The following NDUFAF7 variants were observed in gnomAD, a reference collection of about 807,000 sequenced individuals.
NDUFAF7 encodes NADH:ubiquinone oxidoreductase complex assembly factor 7.
In NDUFAF7, 48 loss-of-function variants were observed where a neutral mutation model predicts 47.2. The observed-to-expected ratio is 1.02, with a 90% CI of 0.81 to 1.29. The LOEUF is 1.29. Ranked by LOEUF, NDUFAF7 falls within the 50% of genes most tolerant of loss-of-function variation. The pLI is 0.00. For missense variants in NDUFAF7, 635 were observed against 537.6 expected (o/e 1.18, Z -1.79); for synonymous variants, 217 against 190.0 (o/e 1.14, Z -1.17).
chr2:37,268,171 T>C, the NDUFAF7 span: 2 of 366,462 alleles, frequency 5.5e-6, no homozygotes, highest in Non-Finnish European at 1.1e-5. Flanking sequence ...TCTTCAAATA[T>C]GTATCTGACT....
chr2:37,251,246 A>G (rs1280678581), downstream of NDUFAF7: 1 of 152,590 alleles, frequency 6.6e-6, no homozygotes, highest in African/African-American at 2.4e-5. Context: ...TGAAGCTTCT[A>G]TAGAAGGACA....
chr2:37,260,375 G>C, the NDUFAF7 span: 1 of 1,610,912 alleles, frequency 6.2e-7, no homozygotes. Flanking sequence ...ATCCCAGGAT[G>C]GTGCAAATTC....
chr2:37,249,472 G>A (rs1057060257), downstream of NDUFAF7, among the ~76,000 whole-genome samples: 11 of 151,940 alleles, frequency 7.2e-5, no homozygotes, highest in East Asian at 2.1e-3. Flanking sequence ...AGCTACTCAC[G>A]AGGCTGAGGT....
intron 1 of NDUFAF7, 42 bp downstream of exon 1, chr2:37,231,802 G>T (rs182312881): frequency 1.9e-6 from 3 of 1,612,856 alleles, no homozygotes; most frequent in East Asian, 4.5e-5. Context: ...CGTGGAAGCC[G>T]CGTGGGGCGC....
intron 4 of NDUFAF7, among the ~76,000 whole-genome samples, chr2:37,241,211 A>G (rs1346352083): frequency 2.0e-5 from 3 of 152,158 alleles, no homozygotes; most frequent in Non-Finnish European, 2.9e-5. Context: ...CTCAAAGATG[A>G]GATTACTTCC....
downstream of NDUFAF7, chr2:37,256,643 T>G (rs763884516): frequency 2.1e-6 from 3 of 1,395,488 alleles, no homozygotes; most frequent in Non-Finnish European, 2.8e-6. Flanking sequence ...TTTTTTTTTT[T>G]TTTTTTTTTT....
the NDUFAF7 span, chr2:37,259,670 A>C: frequency 6.2e-7 from 1 of 1,609,954 alleles, no homozygotes; most frequent in Non-Finnish European, 8.5e-7. Flanking sequence ...GATTCCTCAA[A>C]GCAACAAGTA....
At position 37,248,467 on chromosome 2, in the gene NDUFAF7, C is replaced by T. The variant is rs534940403; in HGVS notation, c.*117C>T. ...GTATTTTATCTTTTCACAGCAAGAACAGTCCATGTTGTATATAATACAACC... is the reference window on the plus strand; with the variant it reads ...GTATTTTATCTTTTCACAGCAAGAATAGTCCATGTTGTATATAATACAACC... On this transcript the variant is annotated 3_prime_UTR_variant, in exon 10 of 10. Transcript: ENST00000002125. The T allele has an allele frequency of 4.9e-6, 5 of 1,023,404 alleles. No homozygotes were observed. The highest frequency in any genetic ancestry group is 3.7e-5 in the Admixed American group (2 of 53,652). 63.4% of individuals were successfully genotyped at this position (1,023,404 alleles called of 1,614,324 possible). A position where few individuals can be genotyped will look rare whatever the true frequency, so the allele number is the denominator to read the frequency against.
chr2:37,247,622 G>A lies in NDUFAF7; in HGVS notation c.1103G>A (p.Arg368Gln), dbSNP rs768398787. The stretch of plus-strand genomic sequence containing the variant: ...TTAAAAAATATGGGTATTGATGTCC[G>A]GCTGAAGGTAAGGTTTATTTTATTT... ...TFLKNMGIDV[R>Q]LKVLLDKSNE... The change falls in exon 9 of 10, where the codon CGG (arginine) becomes CAG (glutamine). Residue 368 changes from arginine (R) to glutamine (Q), a missense_variant. Physicochemically the swap from Arg to Gln is conservative, Grantham distance 43 (BLOSUM62 1). Transcript: ENST00000002125. 1.9e-6 allele frequency: 3 copies of A among 1,613,702 alleles called. No individual in the cohort carries two copies. The highest frequency in any genetic ancestry group is 2.2e-5 in the South Asian group (2 of 91,068).
the NDUFAF7 span, among the ~76,000 whole-genome samples, chr2:37,265,716 A>C: frequency 6.6e-6 from 1 of 152,352 alleles, no homozygotes; most frequent in African/African-American, 2.4e-5. Flanking sequence ...TCTACAACAA[A>C]GATAGTCTTG....
the NDUFAF7 span, among the ~76,000 whole-genome samples, chr2:37,263,373 G>A: frequency 2.0e-5 from 3 of 152,152 alleles, no homozygotes; most frequent in African/African-American, 7.2e-5. Context: ...TTATACGACT[G>A]CTTTTTTGAA....
chr2:37,232,844 C>T (rs942910829), intron 2 of NDUFAF7, among the ~76,000 whole-genome samples: 10 of 152,214 alleles, frequency 6.6e-5, no homozygotes, highest in Non-Finnish European at 1.3e-4. Flanking sequence ...GTTTCCTTGT[C>T]TGTTCTACAG....
intron 2 of NDUFAF7, 126 bp from the exon 3 acceptor site, chr2:37,235,970 T>G: frequency 1.2e-6 from 1 of 840,232 alleles, no homozygotes; most frequent in Non-Finnish European, 2.0e-6. Context: ...CCTTGCTTAT[T>G]TAGAGGAGAG....
rs1044246491 is a variant in NDUFAF7, at chr2:37,248,459, A to G, written c.*109A>G. The G allele has an allele frequency of 2.8e-6, 3 of 1,061,974 alleles. No individual in the cohort carries two copies. Among genetic ancestry groups the G allele is most frequent in the Non-Finnish European group, 4.3e-6 (3 of 693,374 alleles). The allele number at this position is 1,061,974 out of a possible 1,614,324, so 65.8% of individuals were successfully genotyped here. On this transcript the variant is annotated 3_prime_UTR_variant, in exon 10 of 10. Transcript: ENST00000002125. ...AAGTCAAAGTATTTTATCTTTTCAC[A>G]GCAAGAACAGTCCATGTTGTATATA...
downstream of NDUFAF7, chr2:37,254,057 T>C: frequency 1.6e-6 from 1 of 628,700 alleles, no homozygotes; most frequent in South Asian, 1.9e-5. Flanking sequence ...TGCTGTATGG[T>C]TTCCAGAGAT....
chr2:37,241,627 A>G lies in NDUFAF7; in HGVS notation c.458A>G (p.His153Arg), dbSNP rs1187991701. ...SVLKNCDISV[H>R]LVEVSQKLSE... ...CTGAAAAATTGTGACATTTCAGTAC[A>G]TCTGGTAGAGGTAAGCCAAAAATTA... Residue 153 changes from histidine (H) to arginine (R), a missense_variant, in exon 5 of 10, where the codon CAT (histidine) becomes CGT (arginine). His to Arg is a conservative substitution (Grantham distance 29). Coordinates refer to ENST00000002125, the MANE Select transcript of NDUFAF7 (RefSeq NM_144736.5). 1 of 1,613,996 alleles carries G rather than the reference A, an allele frequency of 6.2e-7. No individual in the cohort carries two copies.
chr2:37,247,381 T>C (rs1558506094), intron 8 of NDUFAF7, 75 bp from the exon 9 acceptor site: 15 of 1,499,592 alleles, frequency 1.0e-5, no homozygotes, highest in Non-Finnish European at 1.3e-5. Flanking sequence ...AAATATTAAA[T>C]AACTTTAATA....
At chr2:37,248,002 T>A (rs180675299) in intron 9 of NDUFAF7, 133 bp from the exon 10 acceptor site, 2 of 780,694 alleles carry the variant, frequency 2.6e-6, no homozygotes. Flanking sequence ...TACTCTATGA[T>A]TCTCAGGCAG....
At chr2:37,258,454 G>A in the NDUFAF7 span, among the ~76,000 whole-genome samples, 1 of 152,204 alleles carries the variant, frequency 6.6e-6, no homozygotes, top group Admixed American at 6.5e-5. Flanking sequence ...GTGGAGCCAT[G>A]GCTAACACTT....
Sources: allele counts gnomAD v4.1 joint callset (sites outside exome capture counted in the v4.1 genomes callset), GRCh38; gene constraint gnomAD v4.1.1; transcripts MANE v1.5; gene names NCBI Gene and HGNC (gene_info 2026-07-23, HGNC 2026-07-21).